Variants in PLCH2 observed in about 807,000 individuals in gnomAD.
PLCH2 encodes the protein phospholipase C eta 2.
Under a neutral mutation model 134.7 loss-of-function variants are expected in PLCH2, and 98 were observed. That is an observed-to-expected ratio of 0.73 (90% CI 0.62 to 0.86). The LOEUF is 0.86. Ranked by LOEUF, PLCH2 falls within the 40% of genes least tolerant of loss-of-function variation. The probability of loss-of-function intolerance (pLI) is 0.00; values close to 1 mark genes in which losing one functional copy is unlikely to be tolerated. For missense variants in PLCH2, 1,994 were observed against 1,986.6 expected (o/e 1.00, Z -0.07); for synonymous variants, 974 against 827.5 (o/e 1.18, Z -3.04).
intron 16 of PLCH2, 102 bp downstream of exon 16, chr1:2,497,711 TG>T: frequency 3.9e-6 from 3 of 762,702 alleles, no homozygotes; most frequent in Non-Finnish European, 6.3e-6. Context: ...AGCAAGGGGG[TG>T]GGGGCGGCTT....
chr1:2,429,953 C>T (rs978133548), intron 1 of PLCH2, among the ~76,000 whole-genome samples: 6 of 152,164 alleles, frequency 3.9e-5, no homozygotes, highest in African/African-American at 9.7e-5. Flanking sequence ...TTCTGTAAAG[C>T]GACTCCTGTT....
intron 20 of PLCH2, chr1:2,501,486 G>A (rs927991940): frequency 6.6e-6 from 1 of 152,344 alleles, no homozygotes; most frequent in Non-Finnish European, 1.5e-5. Flanking sequence ...GGGCTCACAT[G>A]AGTGGAGGGC....
rs888067640 is a variant in PLCH2 at position 2,495,685 on chromosome 1, C to G, written c.1835+115C>G. The stretch of plus-strand genomic sequence containing the variant: ...TCCCTGAGCAGGGCAGGACCTACCC[C>G]CTTCTTGGCCCCTGGAAGCAGTGAA... On this transcript the variant is annotated intron_variant, in intron 13 of 21. Transcript: ENST00000378486. 189 of 665,982 alleles carry G rather than the reference C, an allele frequency of 2.8e-4. No individual in the cohort carries two copies. The African/African-American group carries it at 2.9e-3, about 10-fold the overall frequency. 41.3% of individuals were successfully genotyped at this position (665,982 alleles called of 1,614,324 possible).
the PLCH2 span, among the ~76,000 whole-genome samples, chr1:2,417,633 A>G: frequency 6.6e-6 from 1 of 152,176 alleles, no homozygotes; most frequent in African/African-American, 2.4e-5. Context: ...CGAGCACTGC[A>G]TAGCCTGGGC....
rs190066274 is a variant in PLCH2 at position 2,470,675 on chromosome 1, A to G, written c.43+3013A>G. On this transcript the variant is annotated intron_variant, in intron 1 of 21. Coordinates refer to the PLCH2 transcript ENST00000449969. ...GCCACCCTCCCTCCCGCGCCTGGCT[A>G]TGGGCTGGGGGCAGGGCTGGCTCTG... 1.2e-4 allele frequency among the ~76,000 whole-genome samples: 19 copies of G among 152,116 alleles called. No homozygotes were observed. In the East Asian group the frequency reaches 3.7e-3, roughly 30 times the overall value.
upstream of PLCH2, among the ~76,000 whole-genome samples, chr1:2,422,271 AAAAC>A (rs70954602): frequency 7.2e-5 from 11 of 151,772 alleles, no homozygotes; most frequent in African/African-American, 9.7e-5. Context: ...TCCACCTCAA[AAAAC>A]AAACAAACAA....
At chr1:2,421,691 G>A (rs1283968744), upstream of PLCH2, among the ~76,000 whole-genome samples, 1 of 151,888 alleles carries the variant, frequency 6.6e-6, no homozygotes, top group Non-Finnish European at 1.5e-5. Flanking sequence ...AAATAACAAC[G>A]GGCCAGGCAC....
At position 2,431,483 on chromosome 1, in the gene PLCH2, G is replaced by A. The variant is rs1249758605; in HGVS notation, c.115+854G>A. Among the ~76,000 whole-genome samples, 5 of 152,292 alleles carry A rather than the reference G, an allele frequency of 3.3e-5. No homozygotes were observed. The East Asian group carries it at 9.7e-4, about 29-fold the overall frequency. On this transcript the variant is annotated intron_variant, in intron 2 of 3. Coordinates refer to the PLCH2 transcript ENST00000609981. ...TGGGGAGCTGCACACAGCCCCTGCCGGGCTTGGGGCCCTGGCTTTCAGCGC... is the reference window on the plus strand; with the variant it reads ...TGGGGAGCTGCACACAGCCCCTGCCAGGCTTGGGGCCCTGGCTTTCAGCGC...
intron 2 of PLCH2, among the ~76,000 whole-genome samples, chr1:2,437,449 C>T (rs1639478961): frequency 6.9e-6 from 1 of 145,854 alleles, no homozygotes; most frequent in Admixed American, 7.2e-5. Context: ...CTCCAGGCCT[C>T]CCTGCTGGGC....
rs746456399 is a variant in PLCH2, at chr1:2,489,756, C to A, written c.1408-4C>A. On this transcript the variant is annotated splice_polypyrimidine_tract_variant and splice_region_variant and intron_variant, in intron 9 of 21. Coordinates refer to ENST00000378486, the MANE Select transcript of PLCH2 (RefSeq NM_014638.4). ...CCCCTCCCATCATGCACCTCCTCCC[C>A]CAGGGGAAGAAGCTCCCAGCCAACA... 3.1e-6 allele frequency: 5 copies of A among 1,611,452 alleles called. No homozygotes were observed. The South Asian group carries it at 5.5e-5, about 18-fold the overall frequency.
At chr1:2,468,582 C>T (rs773624949) in intron 1 of PLCH2, among the ~76,000 whole-genome samples, 97 of 152,232 alleles carry the variant, frequency 6.4e-4, no homozygotes, top group Non-Finnish European at 9.9e-4. Flanking sequence ...GAGAGGAAAA[C>T]GTGAAGGGGG....
Position 2,461,227 on chromosome 1 carries a change from G to T in PLCH2, c.116-17249G>T, listed in dbSNP as rs536132714. Among the ~76,000 whole-genome samples, 16 of 152,322 alleles carry T rather than the reference G, an allele frequency of 1.1e-4. No homozygotes were observed. The South Asian group carries it at 1.5e-3, about 14-fold the overall frequency. Reference sequence around the variant, plus strand: ...ACAGAATGTAGGTCAGGCTGTTGCAGGGGGGTAGGGCTGGGCAGCCAGGGC... The same window carrying T: ...ACAGAATGTAGGTCAGGCTGTTGCATGGGGGTAGGGCTGGGCAGCCAGGGC... On this transcript the variant is annotated intron_variant, in intron 2 of 3. Coordinates refer to the PLCH2 transcript ENST00000609981.
chr1:2,444,781 C>T lies in PLCH2; in HGVS notation c.115+14152C>T, dbSNP rs1639864435. Among the ~76,000 whole-genome samples, 1 of 152,030 alleles carries T rather than the reference C, an allele frequency of 6.6e-6. No individual in the cohort carries two copies. The highest frequency in any genetic ancestry group is 2.4e-5 in the African/African-American group (1 of 41,378). ...GGAACTGCCCTTCCCCCATGGCCTT[C>T]TCCCTCCAGGAGAATGGACCCGATC... On this transcript the variant is annotated intron_variant, in intron 2 of 3. Coordinates refer to the PLCH2 transcript ENST00000609981. The surrounding 1 kb of genome is among the most constrained non-coding windows in gnomAD (Gnocchi z 4.6).
intron 2 of PLCH2, among the ~76,000 whole-genome samples, chr1:2,456,422 G>C (rs531213312): frequency 6.6e-6 from 1 of 152,128 alleles, no homozygotes; most frequent in Non-Finnish European, 1.5e-5. Flanking sequence ...TCTGGGGCTC[G>C]TCAAAAAGAC....
intron 5 of PLCH2, among the ~76,000 whole-genome samples, chr1:2,485,088 C>T (rs911863426): frequency 6.6e-6 from 1 of 152,152 alleles, no homozygotes; most frequent in African/African-American, 2.4e-5. Flanking sequence ...GGGTGCCAGG[C>T]CCGCCACAAT....
At chr1:2,423,186 TTTG>T (rs1369167792), upstream of PLCH2, among the ~76,000 whole-genome samples, 3 of 151,626 alleles carry the variant, frequency 2.0e-5, no homozygotes, top group South Asian at 2.1e-4. Flanking sequence ...TGTTTGTTTG[TTTG>T]TTGTTTGTTT....
At position 2,487,290 on chromosome 1, in the gene PLCH2, C is replaced by T; in HGVS notation, c.1028C>T (p.Thr343Ile). ...SHYFITSSHN[T>I]YLVGDQLMSQ... The stretch of plus-strand genomic sequence containing the variant: ...TACTTCATCACCTCGTCCCACAACA[C>T]CTACCTCGTGGGTGACCAGCTCATG... Residue 343 changes from threonine to isoleucine, a missense_variant, in exon 7 of 22, where the codon ACC becomes ATC. By Grantham distance (89) the Thr-to-Ile change is moderately conservative. Coordinates refer to ENST00000378486, the MANE Select transcript of PLCH2 (RefSeq NM_014638.4). 6.2e-7 allele frequency: 1 copy of T among 1,613,852 alleles called. No homozygotes were observed. The highest frequency in any genetic ancestry group is 8.5e-7 in the Non-Finnish European group (1 of 1,179,884).
intron 21 of PLCH2, 147 bp from the exon 22 acceptor site, chr1:2,503,775 T>C: frequency 1.6e-6 from 1 of 614,564 alleles, no homozygotes; most frequent in Admixed American, 2.6e-5. Context: ...GGGGGATGCC[T>C]CGGGGTGGGA....
Position 2,496,608 on chromosome 1 carries a change from G to C in PLCH2, c.1837G>C (p.Ala613Pro). ...QDSPGGQSRGATRQKKTMKLS... is the reference protein window; with the variant it reads ...QDSPGGQSRGPTRQKKTMKLS... The stretch of plus-strand genomic sequence containing the variant: ...TCTGACCCCCTGCACCTGCCACAGG[G>C]CGACCCGGCAGAAGAAGACCATGAA... Residue 613 changes from alanine (A) to proline (P), a missense_variant and splice_region_variant, in exon 14 of 22, where the codon GCG (alanine) becomes CCG (proline). Coordinates refer to ENST00000378486, the MANE Select transcript of PLCH2 (RefSeq NM_014638.4). The C allele has an allele frequency of 1.2e-6, 2 of 1,609,648 alleles. No individual in the cohort carries two copies. Among genetic ancestry groups the C allele is most frequent in the Non-Finnish European group, 1.7e-6 (2 of 1,178,516 alleles).
Sources: gnomAD v4.1 joint callset for allele counts (sites outside exome capture counted in the v4.1 genomes callset) on GRCh38, gnomAD v4.1.1 for gene constraint, Gnocchi (gnomAD v3.1) non-coding constraint, MANE v1.5 for transcripts, NCBI Gene and HGNC (gene_info 2026-07-23, HGNC 2026-07-21) for gene names.